The following ZWINT variants were observed in gnomAD, a reference collection of about 807,000 sequenced individuals.
ZWINT encodes the protein ZW10 interacting kinetochore protein, also known as outer kinetochore KNL1 complex subunit ZWINT.
A neutral mutation model predicts 41.5 loss-of-function variants in ZWINT; 41 were observed. That is an observed-to-expected ratio of 0.99 (90% CI 0.77 to 1.28). The LOEUF (loss-of-function observed/expected upper bound fraction) is 1.28. ZWINT is among the 50% of genes most tolerant of loss of function. The pLI is 0.00. For synonymous variants in ZWINT, 132 were observed against 126.8 expected (o/e 1.04, Z -0.28); for missense variants, 369 against 329.7 (o/e 1.12, Z -0.92).
At position 56,359,475 on chromosome 10, in the gene ZWINT, C is replaced by T; in HGVS notation, c.480+1G>A. 1 of 1,530,794 alleles carries T rather than the reference C, an allele frequency of 6.5e-7. No homozygotes were observed. The highest frequency in any genetic ancestry group is 8.8e-7 in the Non-Finnish European group (1 of 1,142,780). 94.8% of individuals were successfully genotyped at this position (1,530,794 alleles called of 1,614,324 possible). ...ATATTCTCCTAGGGGGACGAACCTA[C>T]CTGTTGTAGCTGCCACTGGTTCTGG... On this transcript the variant is annotated splice_donor_variant, in intron 5 of 8. Coordinates refer to ENST00000373944, the MANE Select transcript of ZWINT (RefSeq NM_007057.4). LOFTEE classifies it high-confidence loss of function.
At chr10:56,360,573 C>G (rs1838304622) in intron 1 of ZWINT, among the ~76,000 whole-genome samples, 190 bp from the exon 2 acceptor site, 2 of 152,202 alleles carry the variant, frequency 1.3e-5, no homozygotes, top group African/African-American at 2.4e-5. Context: ...GCATGGAGGG[C>G]ACACGGTGGT....
rs760980079 is a variant in ZWINT at position 56,359,682 on chromosome 10, T to G, written c.423+5A>C. On this transcript the variant is annotated splice_donor_5th_base_variant and intron_variant, in intron 4 of 8. Transcript: ENST00000373944. Reference sequence around the variant, plus strand: ...CCTCCCTGTACTCAAGACCCCTGGGTGTACCTTGGCCTGGAGCTGCTCAAA... The same window carrying G: ...CCTCCCTGTACTCAAGACCCCTGGGGGTACCTTGGCCTGGAGCTGCTCAAA... 5.0e-6 allele frequency: 8 copies of G among 1,614,134 alleles called. No homozygotes were observed. The highest frequency in any genetic ancestry group is 6.8e-6 in the Non-Finnish European group (8 of 1,180,018).
At chr10:56,359,965 C>A in intron 3 of ZWINT, 53 bp downstream of exon 3, 1 of 1,608,568 alleles carries the variant, frequency 6.2e-7, no homozygotes, top group Non-Finnish European at 8.5e-7. Flanking sequence ...AACTGAAATC[C>A]TCCTTCCTTC....
intron 1 of ZWINT, 113 bp downstream of exon 1, chr10:56,361,082 GC>G: frequency 8.4e-7 from 1 of 1,189,958 alleles, no homozygotes; most frequent in Non-Finnish European, 1.2e-6. Context: ...TCACTTCACG[GC>G]AGGGTCGAAC....
At position 56,361,219 on chromosome 10, in the gene ZWINT, T is replaced by C. The variant is rs1838329614; in HGVS notation, c.18A>G (p.Thr6=). The part of the protein sequence containing the change: MEAAE[T]EAEAAALEVL... ...ACTCTAGGGCTGCAGCTTCCGCCTC[T>C]GTCTCCGCTGCCTCCATCTTTCCAG... The change falls in exon 1 of 9, where the codon ACA becomes ACG. Residue 6 remains threonine, a synonymous_variant. Transcript: ENST00000373944. The C allele has an allele frequency of 6.2e-7, 1 of 1,612,974 alleles. No homozygotes were observed. The highest frequency in any genetic ancestry group is 8.5e-7 in the Non-Finnish European group (1 of 1,179,928).
chr10:56,359,306 C>G (rs1343305270), intron 5 of ZWINT, among the ~76,000 whole-genome samples, 170 bp downstream of exon 5: 2 of 152,086 alleles, frequency 1.3e-5, no homozygotes, highest in Non-Finnish European at 2.9e-5. Flanking sequence ...GTTAGGTGAC[C>G]TGCCCAAGAT....
At chr10:56,359,577 C>T (rs1306820676) in intron 4 of ZWINT, 45 bp from the exon 5 acceptor site, 10 of 1,564,560 alleles carry the variant, frequency 6.4e-6, no homozygotes, top group Admixed American at 2.0e-5. Context: ...TCTATTTTTT[C>T]TGGCTAGAAT....
intron 5 of ZWINT, 114 bp from the exon 6 acceptor site, chr10:56,359,061 G>T: frequency 1.0e-5 from 13 of 1,292,296 alleles, no homozygotes; most frequent in Non-Finnish European, 1.3e-5. Flanking sequence ...ATGAAAAGAG[G>T]GACTCTATTC....
chr10:56,358,103 G>T lies in ZWINT; in HGVS notation c.*124C>A, dbSNP rs767484133. 1 of 646,926 alleles carries T rather than the reference G, an allele frequency of 1.5e-6. No homozygotes were observed. The highest frequency in any genetic ancestry group is 1.4e-5 in the South Asian group (1 of 72,626). 40.1% of individuals were successfully genotyped at this position (646,926 alleles called of 1,614,324 possible). A position where few individuals can be genotyped will look rare whatever the true frequency, so the allele number is the denominator to read the frequency against. On this transcript the variant is annotated 3_prime_UTR_variant, in exon 9 of 9. Coordinates refer to ENST00000373944, the MANE Select transcript of ZWINT (RefSeq NM_007057.4). ...AATCCACAGATGCCAGAGCTTGCTG[G>T]GATGTAGTCAGAAATCAAGCTGAAC...
Position 56,359,486 on chromosome 10 carries a change from T to C in ZWINT, c.470A>G (p.Gln157Arg), listed in dbSNP as rs1482933311. 8 of 1,535,360 alleles carry C rather than the reference T, an allele frequency of 5.2e-6. No individual in the cohort carries two copies. The highest frequency in any genetic ancestry group is 6.1e-6 in the Non-Finnish European group (7 of 1,144,988). ...GGGGGACGAACCTACCTGTTGTAGCTGCCACTGGTTCTGGACTGCTCTGCG... is the reference window on the plus strand; with the variant it reads ...GGGGGACGAACCTACCTGTTGTAGCCGCCACTGGTTCTGGACTGCTCTGCG... ...EKRRAVQNQW[Q>R]LQQEKHLQHL... Residue 157 changes from glutamine (Q) to arginine (R), a missense_variant, in exon 5 of 9, where the codon CAG (glutamine) becomes CGG (arginine). Transcript: ENST00000373944.
chr10:56,359,876 A>C, intron 3 of ZWINT, 23 bp from the exon 4 acceptor site: 1 of 1,611,134 alleles, frequency 6.2e-7, no homozygotes. Flanking sequence ...ACCAGGAATG[A>C]GTACATGAGT....
At position 56,360,586 on chromosome 10, in the gene ZWINT, T is replaced by C. The variant is rs1189131333; in HGVS notation, c.42-203A>G. 3.3e-5 allele frequency among the ~76,000 whole-genome samples: 5 copies of C among 152,112 alleles called. No homozygotes were observed. The East Asian group carries it at 7.7e-4, about 24-fold the overall frequency. On this transcript the variant is annotated intron_variant, in intron 1 of 8. Coordinates refer to ENST00000373944, the MANE Select transcript of ZWINT (RefSeq NM_007057.4). ...GTGCATGGAGGGCACACGGTGGTAA[T>C]ACGTGCCAAAAGGAAAATCAGCAGG...
At chr10:56,360,720 A>G (rs1475808188) in intron 1 of ZWINT, among the ~76,000 whole-genome samples, 1 of 152,208 alleles carries the variant, frequency 6.6e-6, no homozygotes, top group Non-Finnish European at 1.5e-5. Flanking sequence ...GAGATATGCA[A>G]GGAAGGGGAA....
At chr10:56,360,216 T>C in intron 2 of ZWINT, 75 bp from the exon 3 acceptor site, 1 of 1,611,280 alleles carries the variant, frequency 6.2e-7, no homozygotes, top group Admixed American at 1.7e-5. Flanking sequence ...TCTCTGCCAG[T>C]GCTGCCCTGT....
intron 1 of ZWINT, 89 bp from the exon 2 acceptor site, chr10:56,360,472 T>C (rs780056757): frequency 2.1e-5 from 21 of 1,016,164 alleles, no homozygotes; most frequent in Non-Finnish European, 3.1e-5. Flanking sequence ...TGTGGATGTG[T>C]ATATCAGTAT....
chr10:56,361,004 C>T (rs1267525422), intron 1 of ZWINT, among the ~76,000 whole-genome samples, 192 bp downstream of exon 1: 3 of 152,060 alleles, frequency 2.0e-5, no homozygotes, highest in South Asian at 2.1e-4. Context: ...CGAACGGTCC[C>T]CCAAAGGCTG....
chr10:56,360,283 T>G lies in ZWINT; in HGVS notation c.132+10A>C. 1 of 1,614,058 alleles carries G rather than the reference T, an allele frequency of 6.2e-7. No homozygotes were observed. Among genetic ancestry groups the G allele is most frequent in the Non-Finnish European group, 8.5e-7 (1 of 1,179,954 alleles). ...GGCTTCTGAAAGGCTCGCTCTCATC[T>G]TGTACATACCACCACAAACTCAACC... On this transcript the variant is annotated intron_variant, in intron 2 of 8. Coordinates refer to ENST00000373944, the MANE Select transcript of ZWINT (RefSeq NM_007057.4).
chr10:56,360,205 C>T, intron 2 of ZWINT, 64 bp from the exon 3 acceptor site: 2 of 1,611,548 alleles, frequency 1.2e-6, no homozygotes, highest in Non-Finnish European at 1.7e-6. Flanking sequence ...CTTAAGTCTG[C>T]TCTCTGCCAG....
chr10:56,360,837 ACTCT>A (rs1838314515), intron 1 of ZWINT, among the ~76,000 whole-genome samples: 31 of 152,126 alleles, frequency 2.0e-4, no homozygotes, highest in African/African-American at 7.2e-4. Flanking sequence ...GCCTCGGTCT[ACTCT>A]AGGGTTTTTC....
Sources: allele counts gnomAD v4.1 joint callset (sites outside exome capture counted in the v4.1 genomes callset), GRCh38; gene constraint gnomAD v4.1.1; transcripts MANE v1.5; gene names NCBI Gene and HGNC (gene_info 2026-07-23, HGNC 2026-07-21).